Variants in FLG2 observed in about 807,000 individuals in gnomAD.
FLG2 encodes the protein filaggrin-2.
A neutral mutation model predicts 3.9 loss-of-function variants in FLG2; 7 were observed. The observed-to-expected ratio is 1.79, with a 90% CI of 1.02 to 3.36. FLG2 has a LOEUF of 3.36. FLG2 is among the 30% of genes most tolerant of loss of function. The probability of loss-of-function intolerance (pLI) is 0.00; values close to 1 mark genes in which losing one functional copy is unlikely to be tolerated. For synonymous variants in FLG2, 1,031 were observed against 1,056.1 expected (o/e 0.98, Z 0.46); for missense variants, 2,700 against 2,809.4 (o/e 0.96, Z 0.88).
chr1:152,352,150 C>A lies in FLG2; in HGVS notation c.5636G>T (p.Gly1879Val). 4 of 1,613,672 alleles carry A rather than the reference C, an allele frequency of 2.5e-6. No individual in the cohort carries two copies. Among genetic ancestry groups the A allele is most frequent in the Non-Finnish European group, 8.5e-7 (1 of 1,179,912 alleles). The stretch of plus-strand genomic sequence containing the variant: ...TTCACTGTCACTGGACTCACTGTGG[C>A]CAGATCTCCTTCTTCCAGTTGTACT... ...GSSTTGRRRS[G>V]HSESSDSEVH... The change falls in exon 3 of 3, where the codon GGC becomes GTC. Residue 1879 changes from glycine to valine, a missense_variant. Gly to Val is a moderately radical substitution (Grantham distance 109). Coordinates refer to ENST00000388718, the MANE Select transcript of FLG2 (RefSeq NM_001014342.3).
At position 152,356,404 on chromosome 1, in the gene FLG2, C is replaced by T; in HGVS notation, c.1382G>A (p.Ser461Asn). Residue 461 changes from serine (S) to asparagine (N), a missense_variant, in exon 3 of 3, where the codon AGT becomes AAT. By Grantham distance (46) the Ser-to-Asn change is conservative (BLOSUM62 1). Coordinates refer to ENST00000388718, the MANE Select transcript of FLG2 (RefSeq NM_001014342.3). ...ATGCTGGTCATAGCCCAAGGATTGA[C>T]TTGATGTAGACTCATGCTGGCCACA... ...QTCGQHESTS[S>N]QSLGYDQHGS... The T allele has an allele frequency of 6.2e-7, 1 of 1,614,186 alleles. No homozygotes were observed. Among genetic ancestry groups the T allele is most frequent in the Non-Finnish European group, 8.5e-7 (1 of 1,180,046 alleles).
In FLG2 at chr1:152,351,839, A is replaced by G. The variant is rs537890764; in HGVS notation, c.5947T>C (p.Tyr1983His). Residue 1983 changes from tyrosine to histidine, a missense_variant, in exon 3 of 3, where the codon TAT (tyrosine) becomes CAT (histidine). Tyr to His is a moderately conservative substitution (Grantham distance 83, BLOSUM62 2). Transcript: ENST00000388718. ...TGAACTGAGGATCCTGACTCTGGAT[A>G]GTGAGATCCAGCTTGACCGTGAGTG... ...GHTHGQAGSH[Y>H]PESGSSVHER... The G allele has an allele frequency of 9.2e-5, 147 of 1,592,500 alleles. 7 individuals carry two copies. The African/African-American group carries it at 1.9e-3, about 21-fold the overall frequency.
At position 152,354,036 on chromosome 1, in the gene FLG2, G is replaced by A; in HGVS notation, c.3750C>T (p.Ser1250=). The A allele has an allele frequency of 6.2e-7, 1 of 1,614,008 alleles. No homozygotes were observed. The highest frequency in any genetic ancestry group is 8.5e-7 in the Non-Finnish European group (1 of 1,179,884). ...GTGTGGATTGTCCTTGACCAGACTG[G>A]CTATGTCTAGTGGTATTTATTGTCT... is the stretch of plus-strand genomic sequence containing the variant. ...HGQTINTTRH[S]QSGQGQSTQT... The change falls in exon 3 of 3, where the codon AGC becomes AGT. Residue 1250 remains serine (S), a synonymous_variant. Transcript: ENST00000388718.
Position 152,352,419 on chromosome 1 carries a change from T to G in FLG2, c.5367A>C (p.Thr1789=). The G allele has an allele frequency of 1.2e-6, 2 of 1,613,910 alleles. No homozygotes were observed. The highest frequency in any genetic ancestry group is 3.3e-5 in the Admixed American group (2 of 60,004). Residue 1789 remains threonine (T), a synonymous_variant, in exon 3 of 3, where the codon ACA becomes ACC. Transcript: ENST00000388718. ...RHAHSGHGQS[T]QTGSRTTGRR... ...TTCCAGTGGTCCTGGACCCTGTCTG[T>G]GTGGACTGTCCATGACCAGAGTGGG...
Position 152,356,872 on chromosome 1 carries a change from C to G in FLG2, c.914G>C (p.Gly305Ala). The G allele has an allele frequency of 1.2e-6, 2 of 1,614,178 alleles. No homozygotes were observed. The highest frequency in any genetic ancestry group is 8.5e-7 in the Non-Finnish European group (1 of 1,180,040). ...AATATAGCTAAATTGATTTCCTTGCCCTCCAAATCTATGTGACTGACAAGA... is the reference window on the plus strand; with the variant it reads ...AATATAGCTAAATTGATTTCCTTGCGCTCCAAATCTATGTGACTGACAAGA... ...SSSCQSHRFG[G>A]QGNQFSYIQS... The change falls in exon 3 of 3, where the codon GGG (glycine) becomes GCG (alanine). Residue 305 changes from glycine to alanine, a missense_variant. Physicochemically the swap from Gly to Ala is moderately conservative, Grantham distance 60. Transcript: ENST00000388718.
Position 152,351,460 on chromosome 1 carries a change from C to G in FLG2, c.6326G>C (p.Ser2109Thr), listed in dbSNP as rs750885758. 10 of 1,613,112 alleles carry G rather than the reference C, an allele frequency of 6.2e-6. No homozygotes were observed. The highest frequency in any genetic ancestry group is 8.5e-6 in the Non-Finnish European group (10 of 1,179,806). The change falls in exon 3 of 3, where the codon AGT becomes ACT. Residue 2109 changes from serine (S) to threonine (T), a missense_variant. Coordinates refer to ENST00000388718, the MANE Select transcript of FLG2 (RefSeq NM_001014342.3). The stretch of plus-strand genomic sequence containing the variant: ...GACCCCTGAGTGCACTTCACTGTCA[C>G]TGGACTCACTGTGGCCAGATCCCCT... ...GRRGSGHSESSDSEVHSGVSH... is the reference protein window; with the variant it reads ...GRRGSGHSESTDSEVHSGVSH...
Position 152,355,506 on chromosome 1 carries a change from T to C in FLG2, c.2280A>G (p.Gln760=), listed in dbSNP as rs369481025. Residue 760 remains glutamine (Q), a synonymous_variant, in exon 3 of 3, where the codon CAA becomes CAG. Transcript: ENST00000388718. ...SGSGQSSGFG[Q]HESRSGQSSY... ...TAGACTGACCTGATCTAGACTCATGTTGTCCAAAGCCAGAGGATTGTCCTG... is the reference window on the plus strand; with the variant it reads ...TAGACTGACCTGATCTAGACTCATGCTGTCCAAAGCCAGAGGATTGTCCTG... 88 of 1,593,524 alleles carry C rather than the reference T, an allele frequency of 5.5e-5. No individual in the cohort carries two copies. Among genetic ancestry groups the C allele is most frequent in the African/African-American group, 4.8e-4 (33 of 68,756 alleles).
chr1:152,353,303 C>T lies in FLG2; in HGVS notation c.4483G>A (p.Gly1495Arg), dbSNP rs1478591611. The T allele has an allele frequency of 6.2e-7, 1 of 1,609,076 alleles. No homozygotes were observed. Among genetic ancestry groups the T allele is most frequent in the African/African-American group, 1.3e-5 (1 of 74,536 alleles). ...KSTQRGSSTT[G>R]RRGSGHSESS... ...TCACTGTGGCCAGATCCCCTTCTTC[C>T]AGTTGTACTGGACCCTCTCTGTGTG... Residue 1495 changes from glycine (G) to arginine (R), a missense_variant, in exon 3 of 3, where the codon GGA becomes AGA. Coordinates refer to ENST00000388718, the MANE Select transcript of FLG2 (RefSeq NM_001014342.3).
intron 1 of FLG2, 44 bp from the exon 2 acceptor site, chr1:152,358,950 C>A (rs992505302): frequency 2.0e-6 from 3 of 1,486,600 alleles, no homozygotes; most frequent in Non-Finnish European, 2.7e-6. Context: ...ATATTCTCTC[C>A]TTTTATCAGC....
rs1654205541 is a variant in FLG2 at position 152,355,901 on chromosome 1, A to C, written c.1885T>G (p.Ser629Ala). The C allele has an allele frequency of 3.1e-6, 5 of 1,608,198 alleles. No homozygotes were observed. Among genetic ancestry groups the C allele is most frequent in the Non-Finnish European group, 4.2e-6 (5 of 1,177,566 alleles). Reference sequence around the variant, plus strand: ...CTAGACCCATGTTGGCCATAGCCAGATGACTGACTTGAGCCAGAACTGTGT... The same window carrying C: ...CTAGACCCATGTTGGCCATAGCCAGCTGACTGACTTGAGCCAGAACTGTGT... ...GQHSSGSSQS[S>A]GYGQHGSRQT... Residue 629 changes from serine to alanine, a missense_variant, in exon 3 of 3, where the codon TCT becomes GCT. Coordinates refer to ENST00000388718, the MANE Select transcript of FLG2 (RefSeq NM_001014342.3).
At position 152,356,643 on chromosome 1, in the gene FLG2, T is replaced by C; in HGVS notation, c.1143A>G (p.Gly381=). Residue 381 remains glycine, a synonymous_variant, in exon 3 of 3, where the codon GGA becomes GGG. Coordinates refer to ENST00000388718, the MANE Select transcript of FLG2 (RefSeq NM_001014342.3). ...ACTGGCTACCTCCAGACCCATATTGTCCACAGCAAGAGGACTGACTTGAGC... is the reference window on the plus strand; with the variant it reads ...ACTGGCTACCTCCAGACCCATATTGCCCACAGCAAGAGGACTGACTTGAGC... The part of the protein sequence containing the change: ...RTGSSQSSCC[G]QYGSGGSQSC... 6.2e-7 allele frequency: 1 copy of C among 1,614,222 alleles called. No homozygotes were observed. Among genetic ancestry groups the C allele is most frequent in the Admixed American group, 1.7e-5 (1 of 60,028 alleles).
rs755900803 is a variant in FLG2, at chr1:152,350,791, C to G, written c.6995G>C (p.Ser2332Thr). Residue 2332 changes from serine to threonine, a missense_variant, in exon 3 of 3, where the codon AGT (serine) becomes ACT (threonine). Coordinates refer to ENST00000388718, the MANE Select transcript of FLG2 (RefSeq NM_001014342.3). ...SSRASHFQSH[S>T]SERQRHGSSQ... ...TGATCCATGCCTTTGCCTTTCACTACTATGTGACTGAAAATGACTTGCTCT... is the reference window on the plus strand; with the variant it reads ...TGATCCATGCCTTTGCCTTTCACTAGTATGTGACTGAAAATGACTTGCTCT... The G allele has an allele frequency of 1.2e-6, 2 of 1,614,088 alleles. No homozygotes were observed. Among genetic ancestry groups the G allele is most frequent in the Non-Finnish European group, 1.7e-6 (2 of 1,180,050 alleles).
rs1654079988 is a variant in FLG2 at position 152,353,850 on chromosome 1, TC to T, written c.3935del (p.Gly1312GlufsTer224). The T allele has an allele frequency of 6.2e-7, 1 of 1,614,008 alleles. No individual in the cohort carries two copies. The highest frequency in any genetic ancestry group is 1.7e-5 in the Admixed American group (1 of 60,010). On this transcript the variant is annotated frameshift_variant, in exon 3 of 3. Coordinates refer to ENST00000388718, the MANE Select transcript of FLG2 (RefSeq NM_001014342.3). LOFTEE classifies it low-confidence loss of function (END_TRUNC). ...KSGSTVRRRQ[G>X]TTHGQRGDTT... ...TATCTCCTCTCTGTCCATGAGTAGT[TC>T]CTTGTCTTCTGCGAACTGTGGATCC...
In FLG2 at chr1:152,357,029, A is replaced by T; in HGVS notation, c.757T>A (p.Ser253Thr). 1 of 1,614,194 alleles carries T rather than the reference A, an allele frequency of 6.2e-7. No individual in the cohort carries two copies. The highest frequency in any genetic ancestry group is 1.6e-4 in the Middle Eastern group (1 of 6,062). Residue 253 changes from serine (S) to threonine (T), a missense_variant, in exon 3 of 3, where the codon TCT becomes ACT. Transcript: ENST00000388718. ...TGTTCTCTAATTCTTGACTGAGTAG[A>T]GTTTGATTCATGCCCACTAGTCTCC... ...GLETSGHESN[S>T]TQSRIREQKL...
chr1:152,351,054 C>T lies in FLG2; in HGVS notation c.6732G>A (p.Gly2244=), dbSNP rs879062082. 6 of 1,607,326 alleles carry T rather than the reference C, an allele frequency of 3.7e-6. No homozygotes were observed. The highest frequency in any genetic ancestry group is 1.4e-5 in the African/African-American group (1 of 72,500). The part of the protein sequence containing the change: ...HYGYGQSTQR[G]SRTTGRRGSG... The stretch of plus-strand genomic sequence containing the variant: ...ATCCCCTTCTTCCAGTTGTCCTGGA[C>T]CCTCTCTGTGTGGATTGTCCATAAC... The change falls in exon 3 of 3, where the codon GGG becomes GGA. Residue 2244 remains glycine, a synonymous_variant. Transcript: ENST00000388718.
chr1:152,357,463 T>A lies in FLG2; in HGVS notation c.323A>T (p.His108Leu). 3 of 1,614,234 alleles carry A rather than the reference T, an allele frequency of 1.9e-6. No individual in the cohort carries two copies. The highest frequency in any genetic ancestry group is 2.5e-6 in the Non-Finnish European group (3 of 1,180,036). ...TTCTGTTTCACTTTCTTCTTCTTGG[T>A]GTCGGTGACCACGCCTATGCTTCTT... is the stretch of plus-strand genomic sequence containing the variant. ...GSKKHRRGHRHQEEESETEED... is the reference protein window; with the variant it reads ...GSKKHRRGHRLQEEESETEED... Residue 108 changes from histidine (H) to leucine (L), a missense_variant, in exon 3 of 3, where the codon CAC (histidine) becomes CTC (leucine). By Grantham distance (99) the His-to-Leu change is moderately conservative. Transcript: ENST00000388718.
In FLG2 at chr1:152,351,153, T is replaced by C. The variant is rs757511211; in HGVS notation, c.6633A>G (p.Ser2211=). The part of the protein sequence containing the change: ...HSQAGSRHGQ[S]GSSGHGRQGT... Reference sequence around the variant, plus strand: ...CCTGTCTCCCATGACCTGAGGATCCTGACTGTCCATGTCGAGATCCGGCTT... The same window carrying C: ...CCTGTCTCCCATGACCTGAGGATCCCGACTGTCCATGTCGAGATCCGGCTT... The change falls in exon 3 of 3, where the codon TCA becomes TCG. Residue 2211 remains serine, a synonymous_variant. Transcript: ENST00000388718. 1.1e-5 allele frequency: 18 copies of C among 1,613,862 alleles called. No homozygotes were observed. Among genetic ancestry groups the C allele is most frequent in the Middle Eastern group, 3.3e-4 (2 of 6,082 alleles).
chr1:152,350,792 T>C lies in FLG2; in HGVS notation c.6994A>G (p.Ser2332Gly). 1 of 1,614,204 alleles carries C rather than the reference T, an allele frequency of 6.2e-7. No individual in the cohort carries two copies. The highest frequency in any genetic ancestry group is 8.5e-7 in the Non-Finnish European group (1 of 1,180,042). Residue 2332 changes from serine to glycine, a missense_variant, in exon 3 of 3, where the codon AGT (serine) becomes GGT (glycine). Ser to Gly is a moderately conservative substitution (Grantham distance 56). Transcript: ENST00000388718. Reference protein sequence around the residue: ...SSRASHFQSHSSERQRHGSSQ... With the variant: ...SSRASHFQSHGSERQRHGSSQ... ...GATCCATGCCTTTGCCTTTCACTACTATGTGACTGAAAATGACTTGCTCTA... is the reference window on the plus strand; with the variant it reads ...GATCCATGCCTTTGCCTTTCACTACCATGTGACTGAAAATGACTTGCTCTA...
At position 152,356,581 on chromosome 1, in the gene FLG2, C is replaced by A; in HGVS notation, c.1205G>T (p.Gly402Val). 1 of 1,614,130 alleles carries A rather than the reference C, an allele frequency of 6.2e-7. No homozygotes were observed. Residue 402 changes from glycine (G) to valine (V), a missense_variant, in exon 3 of 3, where the codon GGC becomes GTC. Coordinates refer to ENST00000388718, the MANE Select transcript of FLG2 (RefSeq NM_001014342.3). ...SNGQHEYGSC[G>V]RFSNSSSSNE... ...TGAACTAGAAGAGTTTGAAAAGCGGCCACAGGAACCATATTCATGTTGACC... is the reference window on the plus strand; with the variant it reads ...TGAACTAGAAGAGTTTGAAAAGCGGACACAGGAACCATATTCATGTTGACC...
Sources: gnomAD v4.1 joint callset for allele counts on GRCh38, gnomAD v4.1.1 for gene constraint, MANE v1.5 for transcripts, NCBI Gene and HGNC (gene_info 2026-07-23, HGNC 2026-07-21) for gene names.